The following RAI14 variants were observed in gnomAD, a reference collection of about 807,000 sequenced individuals.
RAI14 encodes retinoic acid induced 14.
Under a neutral mutation model 115.4 loss-of-function variants are expected in RAI14, and 45 were observed. The observed-to-expected ratio is 0.39, with a 90% confidence interval of 0.31 to 0.50. The LOEUF is 0.50. Among genes scored for constraint, RAI14 ranks in the 20% least tolerant of loss-of-function variants. RAI14 has a pLI of 0.85. For synonymous variants in RAI14, 371 were observed against 415.4 expected (o/e 0.89, Z 1.30); for missense variants, 939 against 1,131.2 (o/e 0.83, Z 2.44).
At chr5:34,753,732 G>A (rs1038885022) in intron 2 of RAI14, among the ~76,000 whole-genome samples, 1 of 152,122 alleles carries the variant, frequency 6.6e-6, no homozygotes, top group Non-Finnish European at 1.5e-5. Flanking sequence ...TGGCTAACAT[G>A]GTGAAACCCC....
At chr5:34,729,510 C>A (rs923167699) in intron 2 of RAI14, among the ~76,000 whole-genome samples, 1 of 152,184 alleles carries the variant, frequency 6.6e-6, no homozygotes, top group African/African-American at 2.4e-5. Flanking sequence ...AGCCACCAGA[C>A]ATTTTGTGCT....
chr5:34,795,142 G>A (rs1052844224), intron 3 of RAI14, among the ~76,000 whole-genome samples: 12 of 152,270 alleles, frequency 7.9e-5, no homozygotes, highest in African/African-American at 2.9e-4. Flanking sequence ...CCTTCATCCC[G>A]GGATCTGGAG....
At position 34,780,024 on chromosome 5, in the gene RAI14, G is replaced by A. The variant is rs571600621; in HGVS notation, c.168-15915G>A. On this transcript the variant is annotated intron_variant, in intron 3 of 17. Transcript: ENST00000265109. ...CACAGTACTGGTACCAAAACAAGAG[G>A]TATAATACCAATGGAACAGAACAGA... Among the ~76,000 whole-genome samples the A allele has an allele frequency of 7.2e-5, 11 of 152,120 alleles. No homozygotes were observed. In the South Asian group the frequency reaches 2.3e-3, roughly 32 times the overall value.
At chr5:34,663,374 G>A (rs1742850189) in intron 1 of RAI14, among the ~76,000 whole-genome samples, 1 of 152,064 alleles carries the variant, frequency 6.6e-6, no homozygotes, top group African/African-American at 2.4e-5. Flanking sequence ...AAATTAGTTG[G>A]GCATGGTGGT....
At chr5:34,734,249 G>T (rs369652115) in intron 2 of RAI14, among the ~76,000 whole-genome samples, 65 of 152,212 alleles carry the variant, frequency 4.3e-4, no homozygotes, top group African/African-American at 1.4e-3. Context: ...AGTGAACTGG[G>T]GGGGCTGGGG....
rs145523570 is a variant in RAI14 at position 34,808,198 on chromosome 5, T to A, written c.379+341T>A. ...TTTGATTTGAGGATTATTATGAACA[T>A]CAGTCAATTTTATTTACTAATATTT... is the stretch of plus-strand genomic sequence containing the variant. On this transcript the variant is annotated intron_variant, in intron 6 of 17. Coordinates refer to ENST00000265109, the MANE Select transcript of RAI14 (RefSeq NM_015577.3). Among the ~76,000 whole-genome samples, 647 of 152,366 alleles carry A rather than the reference T, an allele frequency of 4.2e-3. 7 individuals are homozygous for A. The highest frequency in any genetic ancestry group is 0.015 in the African/African-American group (629 of 41,582).
At chr5:34,734,359 C>T (rs1431654807) in intron 2 of RAI14, among the ~76,000 whole-genome samples, 2 of 152,188 alleles carry the variant, frequency 1.3e-5, no homozygotes, top group African/African-American at 4.8e-5. Context: ...GCAGGGCTAC[C>T]TCTGTTATCT....
chr5:34,768,709 C>A (rs62355690), intron 3 of RAI14, among the ~76,000 whole-genome samples: 2 of 152,120 alleles, frequency 1.3e-5, no homozygotes, highest in South Asian at 4.1e-4. Context: ...GTCGTGGGCC[C>A]CGGGTGCGGT....
intron 2 of RAI14, among the ~76,000 whole-genome samples, chr5:34,732,848 C>T (rs1744378124): frequency 6.6e-6 from 1 of 150,580 alleles, no homozygotes; most frequent in Admixed American, 6.6e-5. Flanking sequence ...AATAGGATTA[C>T]TTCGAGGATT....
intron 2 of RAI14, among the ~76,000 whole-genome samples, chr5:34,753,565 A>G (rs112682344): frequency 0.13 from 19,238 of 152,010 alleles, 1,431 homozygotes; most frequent in South Asian, 0.19. Flanking sequence ...GGATCACTTG[A>G]GGTCAGGAGT....
At chr5:34,710,681 G>A (rs1004607824) in intron 2 of RAI14, among the ~76,000 whole-genome samples, 2 of 152,124 alleles carry the variant, frequency 1.3e-5, no homozygotes, top group African/African-American at 4.8e-5. Context: ...GTAGGTCTGG[G>A]TAGAACCAGG....
At chr5:34,795,870 GA>G in intron 3 of RAI14, 68 bp from the exon 4 acceptor site, 1 of 1,144,510 alleles carries the variant, frequency 8.7e-7, no homozygotes, top group African/African-American at 1.8e-5. Flanking sequence ...GGGCGGGGGG[GA>G]AACTCTGTTG....
At position 34,822,956 on chromosome 5, in the gene RAI14, G is replaced by A; in HGVS notation, c.1114G>A (p.Ala372Thr). The A allele has an allele frequency of 6.3e-7, 1 of 1,599,118 alleles. No homozygotes were observed. Among genetic ancestry groups the A allele is most frequent in the East Asian group, 2.2e-5 (1 of 44,748 alleles). The change falls in exon 15 of 18, where the codon GCC becomes ACC. Residue 372 changes from alanine to threonine, a missense_variant and splice_region_variant. Ala to Thr is a moderately conservative substitution (Grantham distance 58). Transcript: ENST00000265109. ...TTTAATTCTTGCTTTTTTTTCCTAG[G>A]CCAAATCACCCAAGGAGGCGGAAGC... ...HNKELQDKLQ[A>T]KSPKEAEADL...
At position 34,823,252 on chromosome 5, in the gene RAI14, C is replaced by T; in HGVS notation, c.1410C>T (p.Asn470=). ...QSRRAELVCL[N]NTEISENSSD... ...GAAGGGCAGAACTGGTATGCTTAAA[C>T]AACACTGAGATTTCAGAGAACAGCT... The change falls in exon 15 of 18, where the codon AAC becomes AAT. Residue 470 remains asparagine (N), a synonymous_variant. Coordinates refer to ENST00000265109, the MANE Select transcript of RAI14 (RefSeq NM_015577.3). This position sits in a 1 kb window ranked among gnomAD's most constrained non-coding sequence, Gnocchi z 4.5. The T allele has an allele frequency of 1.2e-6, 2 of 1,614,070 alleles. No homozygotes were observed. The highest frequency in any genetic ancestry group is 1.1e-5 in the South Asian group (1 of 91,086).
At chr5:34,701,440 C>T (rs1220062184) in intron 2 of RAI14, among the ~76,000 whole-genome samples, 1 of 152,126 alleles carries the variant, frequency 6.6e-6, no homozygotes, top group Non-Finnish European at 1.5e-5. Context: ...GTCATCTGTT[C>T]CCTCTAAGGA....
At position 34,827,892 on chromosome 5, in the gene RAI14, C is replaced by T. The variant is rs1385567978; in HGVS notation, c.2799+1413C>T. Among the ~76,000 whole-genome samples, 1 of 152,186 alleles carries T rather than the reference C, an allele frequency of 6.6e-6. No individual in the cohort carries two copies. Among genetic ancestry groups the T allele is most frequent in the Non-Finnish European group, 1.5e-5 (1 of 68,046 alleles). On this transcript the variant is annotated intron_variant, in intron 16 of 17. Transcript: ENST00000265109. This position sits in a 1 kb window ranked among gnomAD's most constrained non-coding sequence, Gnocchi z 4.2. ...TATCAGCAAAGAGATGCCCAGCATA[C>T]CGTGGGCATACAAAGGAAATGTGTC...
At chr5:34,812,073 G>C (rs182722969) in intron 9 of RAI14, 107 bp from the exon 10 acceptor site, 44 of 1,298,360 alleles carry the variant, frequency 3.4e-5, no homozygotes, top group Admixed American at 4.5e-5. Context: ...AAAAAAAGGA[G>C]TGTTAAAAAA....
intron 2 of RAI14, among the ~76,000 whole-genome samples, chr5:34,713,975 T>G (rs1207846226): frequency 6.6e-6 from 1 of 152,118 alleles, no homozygotes; most frequent in Non-Finnish European, 1.5e-5. Flanking sequence ...TGGCTAATTT[T>G]GTATTTTTAG....
chr5:34,700,211 C>A (rs998736374), intron 2 of RAI14, among the ~76,000 whole-genome samples: 1 of 152,124 alleles, frequency 6.6e-6, no homozygotes, highest in East Asian at 1.9e-4. Context: ...GCACAGTTTT[C>A]CCCTGGGTGG....
Sources: gnomAD v4.1 joint callset for allele counts (sites outside exome capture counted in the v4.1 genomes callset) on GRCh38, gnomAD v4.1.1 for gene constraint, Gnocchi (gnomAD v3.1) non-coding constraint, MANE v1.5 for transcripts, NCBI Gene and HGNC (gene_info 2026-07-23, HGNC 2026-07-21) for gene names.